STK39: variants seen among roughly 807,000 people sequenced by gnomAD.
The protein encoded by STK39 is STE20/SPS1-related proline-alanine-rich protein kinase.
A neutral mutation model predicts 77.8 loss-of-function variants in STK39; 20 were observed. The ratio of observed to expected loss-of-function variants is 0.26; its 90% CI spans 0.18 to 0.37. The LOEUF (loss-of-function observed/expected upper bound fraction) is 0.37, where lower values mean the gene tolerates loss of function less well. STK39 is among the 10% of genes least tolerant of loss of function. STK39 has a pLI of 1.00. For missense variants in STK39, 479 were observed against 656.5 expected (o/e 0.73, Z 2.95); for synonymous variants, 246 against 234.1 (o/e 1.05, Z -0.47).
chr2:168,056,348 A>C (rs1685525943), intron 14 of STK39, among the ~76,000 whole-genome samples: 1 of 150,950 alleles, frequency 6.6e-6, no homozygotes, highest in South Asian at 2.1e-4. Context: ...GGGGAGGGGG[A>C]GGGGCGTGCA....
intron 17 of STK39, among the ~76,000 whole-genome samples, chr2:167,956,610 T>C (rs779926537): frequency 9.4e-5 from 14 of 148,430 alleles, no homozygotes; most frequent in Non-Finnish European, 1.0e-4. Flanking sequence ...CTCTCACTGG[T>C]CCTAATTAAT....
intron 15 of STK39, among the ~76,000 whole-genome samples, chr2:168,016,138 G>A (rs889756131): frequency 2.0e-5 from 3 of 152,052 alleles, no homozygotes; most frequent in Non-Finnish European, 2.9e-5. Flanking sequence ...ATGTTGGCCA[G>A]GCTGATCTCA....
chr2:167,990,559 C>A (rs977959125), intron 16 of STK39, among the ~76,000 whole-genome samples: 1 of 152,162 alleles, frequency 6.6e-6, no homozygotes, highest in Non-Finnish European at 1.5e-5. Context: ...GTTTCTGAGA[C>A]ATAACTCTAG....
chr2:168,189,941 G>A (rs779948446), intron 1 of STK39, among the ~76,000 whole-genome samples: 55 of 152,242 alleles, frequency 3.6e-4, no homozygotes, highest in Admixed American at 1.3e-3. Context: ...CATTTTGATG[G>A]GGAGTATAGG....
chr2:168,131,845 A>G (rs997451406), intron 8 of STK39, among the ~76,000 whole-genome samples: 1 of 152,220 alleles, frequency 6.6e-6, no homozygotes, highest in African/African-American at 2.4e-5. Context: ...TCACCAGCAG[A>G]TGTTTTTGCC....
At chr2:167,969,633 T>C (rs1471184358) in intron 16 of STK39, among the ~76,000 whole-genome samples, 1 of 152,168 alleles carries the variant, frequency 6.6e-6, no homozygotes, top group Non-Finnish European at 1.5e-5. Context: ...AAAACATTCA[T>C]CTTTGAAATA....
chr2:167,967,933 C>T (rs1313345079), intron 16 of STK39, among the ~76,000 whole-genome samples: 3 of 151,868 alleles, frequency 2.0e-5, no homozygotes, highest in Admixed American at 2.0e-4. Context: ...ACTTTTTCAA[C>T]CTTGCCCCCC....
At chr2:167,998,388 G>T (rs890706473) in intron 16 of STK39, among the ~76,000 whole-genome samples, 1 of 152,196 alleles carries the variant, frequency 6.6e-6, no homozygotes, top group African/African-American at 2.4e-5. Flanking sequence ...TGGCAGGTTT[G>T]CTTTAGCCCA....
intron 16 of STK39, among the ~76,000 whole-genome samples, chr2:167,995,465 C>T (rs115314684): frequency 2.6e-5 from 4 of 152,268 alleles, no homozygotes; most frequent in Non-Finnish European, 5.9e-5. Flanking sequence ...CAGAACAAAA[C>T]AGTGTATCCA....
intron 8 of STK39, among the ~76,000 whole-genome samples, chr2:168,136,157 A>C (rs1241110125): frequency 1.3e-5 from 2 of 152,078 alleles, no homozygotes; most frequent in African/African-American, 4.8e-5. Flanking sequence ...TCACGAGGTC[A>C]GGAGATCGAG....
chr2:168,160,841 T>A (rs1688551438), intron 5 of STK39, among the ~76,000 whole-genome samples: 1 of 148,942 alleles, frequency 6.7e-6, no homozygotes, highest in Non-Finnish European at 1.5e-5. Context: ...TGGGATAAGG[T>A]CCACTCATGA....
Position 168,247,478 on chromosome 2 carries a change from G to A in STK39, c.-43C>T, listed in dbSNP as rs779937723. The A allele has an allele frequency of 7.8e-7, 1 of 1,287,174 alleles. No homozygotes were observed. Among genetic ancestry groups the A allele is most frequent in the Non-Finnish European group, 1.0e-6 (1 of 1,002,110 alleles). 79.7% of individuals were successfully genotyped at this position (1,287,174 alleles called of 1,614,324 possible). On this transcript the variant is annotated 5_prime_UTR_variant, in exon 1 of 18. Transcript: ENST00000355999. Reference sequence around the variant, plus strand: ...CAGGAGGACGCGCCGGCCGACGGACGACCTTCCACTTGAAACTTCCTTTGC... The same window carrying A: ...CAGGAGGACGCGCCGGCCGACGGACAACCTTCCACTTGAAACTTCCTTTGC...
At chr2:167,992,270 A>G (rs976778650) in intron 16 of STK39, among the ~76,000 whole-genome samples, 2 of 152,142 alleles carry the variant, frequency 1.3e-5, no homozygotes, top group Admixed American at 6.6e-5. Flanking sequence ...CCACTTGTCA[A>G]TTGTTGTCAG....
chr2:168,115,300 T>G (rs2105477603), intron 10 of STK39, among the ~76,000 whole-genome samples: 1 of 152,242 alleles, frequency 6.6e-6, no homozygotes, highest in East Asian at 1.9e-4. Context: ...TGCACCCATG[T>G]GCATGGGTGT....
chr2:168,063,875 C>T (rs1468496738), intron 13 of STK39, among the ~76,000 whole-genome samples: 1 of 152,178 alleles, frequency 6.6e-6, no homozygotes, highest in East Asian at 1.9e-4. Context: ...TCACAACCCA[C>T]ACATAGACTG....
intron 16 of STK39, among the ~76,000 whole-genome samples, chr2:167,988,302 A>G (rs1683611522): frequency 6.6e-6 from 1 of 152,138 alleles, no homozygotes. Context: ...TTTCCTGCAA[A>G]GAAGTCGCAG....
chr2:168,053,491 T>C (rs2105369922), intron 14 of STK39, among the ~76,000 whole-genome samples: 2 of 152,348 alleles, frequency 1.3e-5, no homozygotes, highest in South Asian at 4.1e-4. Context: ...GATGATGTTA[T>C]TTCTTTAATT....
chr2:168,128,820 A>G (rs1174075732), intron 10 of STK39, among the ~76,000 whole-genome samples: 1 of 152,164 alleles, frequency 6.6e-6, no homozygotes, highest in Non-Finnish European at 1.5e-5. Flanking sequence ...AATGGGGGTG[A>G]AGAACCTCCT....
chr2:168,019,215 A>G (rs543287083), intron 14 of STK39, among the ~76,000 whole-genome samples: 1 of 152,366 alleles, frequency 6.6e-6, no homozygotes, highest in African/African-American at 2.4e-5. Flanking sequence ...AAGTAGATAC[A>G]GCAGTCCCCC....
Sources: gnomAD v4.1 joint callset for allele counts (sites outside exome capture counted in the v4.1 genomes callset) on GRCh38, gnomAD v4.1.1 for gene constraint, MANE v1.5 for transcripts, NCBI Gene and HGNC (gene_info 2026-07-23, HGNC 2026-07-21) for gene names.